D2HGDH: variants seen among roughly 807,000 people sequenced by gnomAD.
The protein encoded by D2HGDH is D-2-hydroxyglutarate dehydrogenase, mitochondrial.
D2HGDH carries 31 observed loss-of-function variants against 46.9 expected under a neutral mutation model. The observed-to-expected ratio is 0.66, with a 90% CI of 0.50 to 0.89. The LOEUF is 0.89. D2HGDH is among the 40% of genes least tolerant of loss of function. The pLI, the probability that D2HGDH is intolerant of heterozygous loss-of-function variation, is 0.00. For synonymous variants in D2HGDH, 364 were observed against 332.6 expected, an observed-to-expected ratio of 1.09 and a Z score of -1.03; for missense variants, 698 against 720.8, an observed-to-expected ratio of 0.97 and a Z score of 0.36.
In D2HGDH at chr2:241,751,251, C is replaced by A. The variant is rs1299084692; in HGVS notation, c.1003C>A (p.Pro335Thr). 1.9e-6 allele frequency: 3 copies of A among 1,613,902 alleles called. No individual in the cohort carries two copies. Among genetic ancestry groups the A allele is most frequent in the Admixed American group, 1.7e-5 (1 of 60,006 alleles). The change falls in exon 8 of 10, where the codon CCG becomes ACG. Residue 335 changes from proline (P) to threonine (T), a missense_variant. Pro to Thr is a conservative substitution (Grantham distance 38, BLOSUM62 -1). Coordinates refer to ENST00000321264, the MANE Select transcript of D2HGDH (RefSeq NM_152783.5). ...CCTTCCTTGCTCACTTCTAGAGAGTCCGTTTTACGTCCTCATCGAGACTTC... is the reference window on the plus strand; with the variant it reads ...CCTTCCTTGCTCACTTCTAGAGAGTACGTTTTACGTCCTCATCGAGACTTC... ...LHLASPVQES[P>T]FYVLIETSGS...
Position 241,737,435 on chromosome 2 carries a change from G to A in D2HGDH, c.292+1919G>A, listed in dbSNP as rs370335222. On this transcript the variant is annotated intron_variant, in intron 2 of 9. Transcript: ENST00000321264. ...GGCATACAAGTCTGTGCACGAATGA[G>A]GGACTTCTCAGCCTCTGGGGCTGGC... Among the ~76,000 whole-genome samples, 24 of 152,366 alleles carry A rather than the reference G, an allele frequency of 1.6e-4. No homozygotes were observed. The East Asian group carries it at 3.9e-3, about 24-fold the overall frequency.
Position 241,742,227 on chromosome 2 carries a change from C to T in D2HGDH, c.351-208C>T, listed in dbSNP as rs1339657983. On this transcript the variant is annotated intron_variant, in intron 3 of 9. Transcript: ENST00000321264. This position sits in a 1 kb window ranked among gnomAD's most constrained non-coding sequence, Gnocchi z 4.8. ...ACGTCAGAATCGGGGCCTCCACTTC[C>T]GTCTCCCTGTGCACAGCTTTCGGAT... 2.0e-5 allele frequency among the ~76,000 whole-genome samples: 3 copies of T among 152,174 alleles called. No homozygotes were observed. Among genetic ancestry groups the T allele is most frequent in the African/African-American group, 7.2e-5 (3 of 41,428 alleles).
In D2HGDH at chr2:241,767,836, T is replaced by C. The variant is rs1374692565; in HGVS notation, c.1433T>C (p.Val478Ala). 1 of 1,611,682 alleles carries C rather than the reference T, an allele frequency of 6.2e-7. No individual in the cohort carries two copies. Among genetic ancestry groups the C allele is most frequent in the Non-Finnish European group, 8.5e-7 (1 of 1,179,370 alleles). Reference protein sequence around the residue: ...QQGSVSAEHGVGFRKRDVLGY... With the variant: ...QQGSVSAEHGAGFRKRDVLGY... ...GGCAGCGTCAGCGCGGAGCACGGAG[T>C]GGGCTTCAGGAAGAGGGACGTCCTG... The change falls in exon 10 of 10, where the codon GTG becomes GCG. Residue 478 changes from valine to alanine, a missense_variant. Physicochemically the swap from Val to Ala is moderately conservative, Grantham distance 64 (BLOSUM62 0). Coordinates refer to ENST00000321264, the MANE Select transcript of D2HGDH (RefSeq NM_152783.5).
chr2:241,743,722 C>T lies in D2HGDH; in HGVS notation c.591C>T (p.Ser197=). Residue 197 remains serine, a synonymous_variant, in exon 5 of 10, where the codon AGC becomes AGT. Coordinates refer to ENST00000321264, the MANE Select transcript of D2HGDH (RefSeq NM_152783.5). The surrounding 1 kb of genome is among the most constrained non-coding windows in gnomAD (Gnocchi z 4.8). ...CGCTGGACTTAGGAGCCAAGGGCAG[C>T]TGCCACATCGGGGGAAACGTGGCAA... ...IMPLDLGAKG[S]CHIGGNVATN... 1 of 1,613,788 alleles carries T rather than the reference C, an allele frequency of 6.2e-7. No homozygotes were observed. Among genetic ancestry groups the T allele is most frequent in the Non-Finnish European group, 8.5e-7 (1 of 1,179,926 alleles).
chr2:241,761,711 C>T (rs1473345284), intron 9 of D2HGDH, among the ~76,000 whole-genome samples: 1 of 152,126 alleles, frequency 6.6e-6, no homozygotes, highest in Admixed American at 6.6e-5. Context: ...CTGGTTCTGC[C>T]TTGTTCAGTC....
At chr2:241,738,247 C>T (rs998250641) in intron 2 of D2HGDH, among the ~76,000 whole-genome samples, 2 of 152,200 alleles carry the variant, frequency 1.3e-5, no homozygotes, top group African/African-American at 2.4e-5. Flanking sequence ...TGTGGGCTCA[C>T]GAATGTTGTC....
intron 9 of D2HGDH, among the ~76,000 whole-genome samples, chr2:241,759,688 C>T (rs1236321135): frequency 6.6e-6 from 1 of 152,210 alleles, no homozygotes; most frequent in African/African-American, 2.4e-5. Context: ...TTGTCTCTCA[C>T]TTCTTGTCTA....
intron 2 of D2HGDH, among the ~76,000 whole-genome samples, chr2:241,737,882 G>A (rs1356738877): frequency 6.6e-6 from 1 of 152,198 alleles, no homozygotes; most frequent in East Asian, 1.9e-4. Context: ...AACATAGGGT[G>A]TGCTGTCATT....
At chr2:241,763,068 G>A (rs796686491) in intron 9 of D2HGDH, among the ~76,000 whole-genome samples, 70 of 152,314 alleles carry the variant, frequency 4.6e-4, no homozygotes, top group African/African-American at 1.6e-3. Context: ...GGCCCCGCCC[G>A]GAACCTCTTT....
At position 241,768,035 on chromosome 2, in the gene D2HGDH, C is replaced by T. The variant is rs1268295592; in HGVS notation, c.*66C>T. 19 of 1,513,016 alleles carry T rather than the reference C, an allele frequency of 1.3e-5. No individual in the cohort carries two copies. Among genetic ancestry groups the T allele is most frequent in the Admixed American group, 2.0e-5 (1 of 49,952 alleles). The allele number at this position is 1,513,016 out of a possible 1,614,324, so 93.7% of individuals were successfully genotyped here. On this transcript the variant is annotated 3_prime_UTR_variant, in exon 10 of 10. Coordinates refer to ENST00000321264, the MANE Select transcript of D2HGDH (RefSeq NM_152783.5). ...GGGTGGCTCTCGGGCGGGGGTGTTG[C>T]GGTGGCTCTGAGGGATGAGCCGGCA... is the stretch of plus-strand genomic sequence containing the variant.
rs1309865785 is a variant in D2HGDH, at chr2:241,742,771, G to A, written c.490+197G>A. ...CCTCCAGACATGCGTGCTGGTGAGGGCTTGTCATTCTGGTCCCTTCCGACT... is the reference window on the plus strand; with the variant it reads ...CCTCCAGACATGCGTGCTGGTGAGGACTTGTCATTCTGGTCCCTTCCGACT... On this transcript the variant is annotated intron_variant, in intron 4 of 9. Coordinates refer to ENST00000321264, the MANE Select transcript of D2HGDH (RefSeq NM_152783.5). This position sits in a 1 kb window ranked among gnomAD's most constrained non-coding sequence, Gnocchi z 4.8. Among the ~76,000 whole-genome samples, 3 of 152,244 alleles carry A rather than the reference G, an allele frequency of 2.0e-5. No homozygotes were observed. The highest frequency in any genetic ancestry group is 4.4e-5 in the Non-Finnish European group (3 of 68,026).
At chr2:241,767,510 GGAGA>G (rs918613852) in intron 9 of D2HGDH, among the ~76,000 whole-genome samples, 196 bp from the exon 10 acceptor site, 2 of 151,666 alleles carry the variant, frequency 1.3e-5, no homozygotes, top group Middle Eastern at 6.3e-3. Context: ...GAGAACTTGG[GGAGA>G]GAAGCAGGGA....
chr2:241,755,539 T>G, intron 8 of D2HGDH: 1 of 1,391,092 alleles, frequency 7.2e-7, no homozygotes, highest in Non-Finnish European at 9.6e-7. Context: ...AGCCGCCTGA[T>G]TGCCGGAGTC....
chr2:241,747,262 G>C (rs1213366967), intron 6 of D2HGDH, among the ~76,000 whole-genome samples: 1 of 152,182 alleles, frequency 6.6e-6, no homozygotes, highest in African/African-American at 2.4e-5. Context: ...TGTTTCTGCT[G>C]GTTCATGCTC....
chr2:241,741,694 T>C (rs1694500815), intron 3 of D2HGDH, among the ~76,000 whole-genome samples: 1 of 140,386 alleles, frequency 7.1e-6, no homozygotes, highest in Non-Finnish European at 1.5e-5. Context: ...GTTTATTTCA[T>C]GTATGGGGCT....
intron 8 of D2HGDH, among the ~76,000 whole-genome samples, chr2:241,753,756 G>A (rs999714669): frequency 6.6e-6 from 1 of 152,370 alleles, no homozygotes; most frequent in South Asian, 2.1e-4. Context: ...CACCCGTCAC[G>A]TGTCATTCAG....
intron 9 of D2HGDH, among the ~76,000 whole-genome samples, chr2:241,763,694 C>T (rs756492765): frequency 6.6e-6 from 1 of 151,910 alleles, no homozygotes; most frequent in Non-Finnish European, 1.5e-5. Flanking sequence ...CTCTGTGGTC[C>T]GGGGTTGGGT....
At chr2:241,750,369 A>T in intron 7 of D2HGDH, 75 bp downstream of exon 7, 1 of 889,178 alleles carries the variant, frequency 1.1e-6, no homozygotes, top group Non-Finnish European at 1.6e-6. Context: ...GACGGCTCAG[A>T]GACCCCGGGT....
intron 6 of D2HGDH, chr2:241,748,820 C>A: frequency 8.4e-7 from 1 of 1,194,404 alleles, no homozygotes. Context: ...GGTTCCTCTT[C>A]ATCCAGGTTT....
Sources: allele counts gnomAD v4.1 joint callset (sites outside exome capture counted in the v4.1 genomes callset), GRCh38; gene constraint gnomAD v4.1.1; non-coding constraint Gnocchi (gnomAD v3.1); transcripts MANE v1.5; gene names NCBI Gene and HGNC (gene_info 2026-07-23, HGNC 2026-07-21).